The following PAPPA variants were observed in gnomAD, a reference collection of about 807,000 sequenced individuals.
PAPPA encodes the protein pappalysin-1.
Under a neutral mutation model 164.0 loss-of-function variants are expected in PAPPA, and 60 were observed. The observed-to-expected ratio is 0.37, with a 90% CI of 0.30 to 0.45. The LOEUF is 0.45. PAPPA is among the 20% of genes least tolerant of loss of function. The pLI is 1.00. For missense variants in PAPPA, 1,782 were observed against 2,087.3 expected (o/e 0.85, Z 2.85); for synonymous variants, 875 against 814.1 (o/e 1.07, Z -1.27).
chr9:116,201,950 C>T (rs1016658649), intron 2 of PAPPA, among the ~76,000 whole-genome samples: 2 of 152,154 alleles, frequency 1.3e-5, no homozygotes, highest in African/African-American at 4.8e-5. Context: ...TGTGACCAGC[C>T]GCACCCATCA....
chr9:116,246,628 G>A lies in PAPPA; in HGVS notation c.2732+10991G>A, dbSNP rs572204900. 9.2e-5 allele frequency among the ~76,000 whole-genome samples: 14 copies of A among 152,242 alleles called. No homozygotes were observed. In the South Asian group the frequency reaches 2.9e-3, roughly 32 times the overall value. On this transcript the variant is annotated intron_variant, in intron 7 of 21. Coordinates refer to ENST00000328252, the MANE Select transcript of PAPPA (RefSeq NM_002581.5). ...TGGAAAGAAACTTCCTGGCATGCAA[G>A]ACTATTGGTTAGAATTGAGATGTTT...
At chr9:116,175,787 G>A (rs1327253417) in intron 1 of PAPPA, among the ~76,000 whole-genome samples, 3 of 152,114 alleles carry the variant, frequency 2.0e-5, no homozygotes, top group African/African-American at 7.2e-5. Context: ...CAGTCGAGTG[G>A]GGGAGAGTAC....
chr9:116,277,742 T>A (rs1845217188), intron 9 of PAPPA, among the ~76,000 whole-genome samples: 1 of 152,170 alleles, frequency 6.6e-6, no homozygotes, highest in South Asian at 2.1e-4. Flanking sequence ...AGCAGCATGA[T>A]CTGGACTCAC....
chr9:116,331,893 T>C (rs538659179), intron 11 of PAPPA, among the ~76,000 whole-genome samples: 7 of 152,312 alleles, frequency 4.6e-5, no homozygotes, highest in Admixed American at 2.0e-4. Flanking sequence ...GAGGTTGACA[T>C]GGAGAAGTGA....
Position 116,154,155 on chromosome 9 carries a change from C to CGGGGGGGTGGGGGGGGG in PAPPA, c.-12_-11insGTGGGGGGGGGGGGGGG. On this transcript the variant is annotated 5_prime_UTR_variant, in exon 1 of 22. Coordinates refer to ENST00000328252, the MANE Select transcript of PAPPA (RefSeq NM_002581.5). This position sits in a 1 kb window ranked among gnomAD's most constrained non-coding sequence, Gnocchi z 5.2. Reference sequence around the variant, plus strand: ...TGGCGGTGCAGGGGCGAAGGGGGGGCGGGGGGAACCGTCGGACATGCGGCT... The same window carrying CGGGGGGGTGGGGGGGGG: ...TGGCGGTGCAGGGGCGAAGGGGGGGCGGGGGGGTGGGGGGGGGGGGGGGAACCGTCGGACATGCGGCT... 1.3e-5 allele frequency: 6 copies of CGGGGGGGTGGGGGGGGG among 464,934 alleles called. No homozygotes were observed. Among genetic ancestry groups the CGGGGGGGTGGGGGGGGG allele is most frequent in the African/African-American group, 3.9e-5 (1 of 25,956 alleles). 28.8% of individuals were successfully genotyped at this position (464,934 alleles called of 1,614,324 possible). A position where few individuals can be genotyped will look rare whatever the true frequency, so the allele number is the denominator to read the frequency against.
At chr9:116,337,428 G>A (rs1029070717) in intron 13 of PAPPA, among the ~76,000 whole-genome samples, 6 of 152,146 alleles carry the variant, frequency 3.9e-5, no homozygotes, top group Non-Finnish European at 5.9e-5. Flanking sequence ...GGGAGGAAAG[G>A]AAAGAAAAAT....
At chr9:116,307,585 G>C (rs1845663053) in intron 10 of PAPPA, among the ~76,000 whole-genome samples, 1 of 151,882 alleles carries the variant, frequency 6.6e-6, no homozygotes, top group South Asian at 2.1e-4. Context: ...GGTGATGAGA[G>C]GGAAAATCCA....
At chr9:116,346,945 C>T (rs1367080440) in intron 14 of PAPPA, 81 bp from the exon 15 acceptor site, 7 of 1,211,146 alleles carry the variant, frequency 5.8e-6, no homozygotes, top group South Asian at 1.6e-5. Context: ...GACTCTGAGC[C>T]GTCACCTTGG....
At chr9:116,196,466 G>A (rs539141694) in intron 2 of PAPPA, among the ~76,000 whole-genome samples, 10 of 152,346 alleles carry the variant, frequency 6.6e-5, no homozygotes, top group East Asian at 5.8e-4. Flanking sequence ...AAACAAAGCC[G>A]TTGGGCGTGC....
rs201757064 is a variant in PAPPA, at chr9:116,271,312, A to G, written c.2862-13A>G. The G allele has an allele frequency of 1.0e-5, 16 of 1,602,576 alleles. No homozygotes were observed. The highest frequency in any genetic ancestry group is 2.2e-5 in the East Asian group (1 of 44,826). On this transcript the variant is annotated splice_polypyrimidine_tract_variant and intron_variant, in intron 8 of 21. Transcript: ENST00000328252. The surrounding 1 kb of genome is among the most constrained non-coding windows in gnomAD (Gnocchi z 4.2). ...CTAAATTGGCAAATTTCTCTTCCATATCTGCTCTGCAGAGACCAAGGTGAA... is the reference window on the plus strand; with the variant it reads ...CTAAATTGGCAAATTTCTCTTCCATGTCTGCTCTGCAGAGACCAAGGTGAA...
chr9:116,341,489 G>C (rs1444381001), intron 13 of PAPPA, among the ~76,000 whole-genome samples: 1 of 152,194 alleles, frequency 6.6e-6, no homozygotes, highest in Non-Finnish European at 1.5e-5. Context: ...TACCCAGGTA[G>C]TAGTTTAGAT....
intron 15 of PAPPA, among the ~76,000 whole-genome samples, chr9:116,352,112 T>C (rs918888829): frequency 6.6e-6 from 1 of 152,218 alleles, no homozygotes; most frequent in Non-Finnish European, 1.5e-5. Flanking sequence ...GAAGTGCTGC[T>C]CTTTCACCTG....
intron 2 of PAPPA, among the ~76,000 whole-genome samples, chr9:116,202,781 T>A (rs1844186741): frequency 6.6e-6 from 1 of 152,196 alleles, no homozygotes; most frequent in African/African-American, 2.4e-5. Context: ...CTGTGCTATC[T>A]GTCTTACTCT....
chr9:116,183,393 C>T (rs1305485172), intron 1 of PAPPA, among the ~76,000 whole-genome samples: 1 of 152,144 alleles, frequency 6.6e-6, no homozygotes, highest in Non-Finnish European at 1.5e-5. Flanking sequence ...CCAGACCCCT[C>T]CTTTTACAGA....
At chr9:116,312,138 ACC>A (rs1845725631) in intron 10 of PAPPA, among the ~76,000 whole-genome samples, 1 of 151,906 alleles carries the variant, frequency 6.6e-6, no homozygotes, top group Non-Finnish European at 1.5e-5. Flanking sequence ...TTTCTTCCAA[ACC>A]TGGCCTACCC....
chr9:116,359,613 C>T (rs537519002), intron 17 of PAPPA, among the ~76,000 whole-genome samples: 3 of 152,130 alleles, frequency 2.0e-5, no homozygotes, highest in Non-Finnish European at 4.4e-5. Context: ...AATTTCTGCA[C>T]CAGGTGGTAG....
Position 116,302,704 on chromosome 9 carries a change from C to A in PAPPA, c.2954-53C>A, listed in dbSNP as rs1448585560. The A allele has an allele frequency of 2.7e-6, 4 of 1,479,200 alleles. No homozygotes were observed. The East Asian group carries it at 6.8e-5, about 25-fold the overall frequency. The allele number at this position is 1,479,200 out of a possible 1,614,324, so 91.6% of individuals were successfully genotyped here. ...CTGCAGCTGCTGATGATTGCTGAGG[C>A]CAAAGAACAAATATTTATTTATTCT... is the stretch of plus-strand genomic sequence containing the variant. On this transcript the variant is annotated intron_variant, in intron 9 of 21. Coordinates refer to ENST00000328252, the MANE Select transcript of PAPPA (RefSeq NM_002581.5).
chr9:116,363,844 A>G (rs1171292688), intron 18 of PAPPA, among the ~76,000 whole-genome samples: 3 of 152,188 alleles, frequency 2.0e-5, no homozygotes, highest in African/African-American at 7.2e-5. Context: ...TTGAAGATGA[A>G]AACACATGCC....
At chr9:116,279,708 A>C (rs1845244780) in intron 9 of PAPPA, among the ~76,000 whole-genome samples, 1 of 152,212 alleles carries the variant, frequency 6.6e-6, no homozygotes, top group African/African-American at 2.4e-5. Flanking sequence ...TGATATTTAA[A>C]GTGACCAGAA....
Sources: gnomAD v4.1 joint callset for allele counts (sites outside exome capture counted in the v4.1 genomes callset) on GRCh38, gnomAD v4.1.1 for gene constraint, Gnocchi (gnomAD v3.1) non-coding constraint, MANE v1.5 for transcripts, NCBI Gene and HGNC (gene_info 2026-07-23, HGNC 2026-07-21) for gene names.